Variants in PRDM2 observed in about 807,000 individuals in gnomAD.
PRDM2 encodes PR/SET domain 2.
A neutral mutation model predicts 130.0 loss-of-function variants in PRDM2; 30 were observed. The observed-to-expected ratio is 0.23, with a 90% CI of 0.17 to 0.31. The LOEUF (loss-of-function observed/expected upper bound fraction) is 0.31. PRDM2 is among the 10% of genes least tolerant of loss of function. The pLI is 1.00. For missense variants in PRDM2, 2,011 were observed against 2,108.4 expected (o/e 0.95, Z 0.90); for synonymous variants, 871 against 782.4 (o/e 1.11, Z -1.89).
rs938373055 is a variant in PRDM2, at chr1:13,823,046, A to G, written c.*24-113A>G. 17 of 1,034,138 alleles carry G rather than the reference A, an allele frequency of 1.6e-5. 1 individual carries two copies. The highest frequency in any genetic ancestry group is 2.1e-5 in the Non-Finnish European group (14 of 680,622). 64.1% of individuals were successfully genotyped at this position (1,034,138 alleles called of 1,614,324 possible). On this transcript the variant is annotated intron_variant, in intron 9 of 9. Coordinates refer to ENST00000311066, the MANE Select transcript of PRDM2 (RefSeq NM_001393986.1). ...CTGTGCTTTTTGCTCTATGTATGGT[A>G]TGTTTCAATAAACAGTTTAGTTACA...
At chr1:13,812,582 C>A (rs1412262366) in intron 8 of PRDM2, among the ~76,000 whole-genome samples, 1 of 152,212 alleles carries the variant, frequency 6.6e-6, no homozygotes, top group Admixed American at 6.5e-5. Context: ...GCATGTCCCA[C>A]TTTGCCGTGT....
Position 13,816,448 on chromosome 1 carries a change from C to T in PRDM2, c.5058C>T (p.Ser1686=). 1.2e-6 allele frequency: 2 copies of T among 1,614,176 alleles called. No homozygotes were observed. ...KDFSYSLRLA[S]RCSPPAAPYI... ...ACAGCTACAGCCTCCGCTTGGCGTC[C>T]CGATGCTCTCCACCAGCGGCCCCGT... Residue 1686 remains serine (S), a synonymous_variant, in exon 9 of 10, where the codon TCC becomes TCT. Transcript: ENST00000311066.
At chr1:13,703,392 G>A (rs149586009) in intron 1 of PRDM2, among the ~76,000 whole-genome samples, 1 of 152,322 alleles carries the variant, frequency 6.6e-6, no homozygotes, top group East Asian at 1.9e-4. Context: ...CTGCAGTGAA[G>A]GAAGGCTCAT....
intron 1 of PRDM2, among the ~76,000 whole-genome samples, chr1:13,715,300 C>T (rs1288273688): frequency 6.6e-6 from 1 of 152,206 alleles, no homozygotes; most frequent in Non-Finnish European, 1.5e-5. Flanking sequence ...TTGATGTCCT[C>T]CTAATGAGTC....
intron 5 of PRDM2, among the ~76,000 whole-genome samples, chr1:13,744,553 G>C (rs1643546667): frequency 6.6e-6 from 1 of 152,084 alleles, no homozygotes; most frequent in African/African-American, 2.4e-5. Context: ...CCACGCAAAG[G>C]ATCTCTCTGT....
intron 8 of PRDM2, chr1:13,786,580 C>G: frequency 6.2e-7 from 1 of 1,602,948 alleles, no homozygotes; most frequent in Non-Finnish European, 8.5e-7. Context: ...ATTGCATGCT[C>G]AACTTAGGAT....
chr1:13,768,695 A>T (rs909825577), intron 6 of PRDM2, among the ~76,000 whole-genome samples: 1 of 152,100 alleles, frequency 6.6e-6, no homozygotes, highest in Non-Finnish European at 1.5e-5. Context: ...TTGAGTTTTC[A>T]TTCTGGCTTT....
chr1:13,711,074 GGC>G (rs1282477736), intron 1 of PRDM2, among the ~76,000 whole-genome samples: 1 of 113,262 alleles, frequency 8.8e-6, no homozygotes, highest in Non-Finnish European at 1.8e-5. Flanking sequence ...GACAGAGTGA[GGC>G]TCTGTCTCAA....
intron 1 of PRDM2, among the ~76,000 whole-genome samples, chr1:13,712,366 GGAAAA>G (rs1557593168): frequency 6.6e-6 from 1 of 152,130 alleles, no homozygotes; most frequent in South Asian, 2.1e-4. Flanking sequence ...CAAAAGGTGA[GGAAAA>G]GAAAAGAAGT....
intron 8 of PRDM2, among the ~76,000 whole-genome samples, chr1:13,809,412 C>T (rs976968161): frequency 5.3e-5 from 8 of 152,080 alleles, no homozygotes; most frequent in Non-Finnish European, 1.2e-4. Context: ...TGGCAGGTGA[C>T]GTGTAGCAGG....
At chr1:13,744,161 C>T (rs1643534073) in intron 5 of PRDM2, among the ~76,000 whole-genome samples, 2 of 152,158 alleles carry the variant, frequency 1.3e-5, no homozygotes, top group South Asian at 4.1e-4. Flanking sequence ...ATGTGTTCAT[C>T]TCTGATGCAA....
At chr1:13,754,047 A>G (rs1295890591) in intron 6 of PRDM2, among the ~76,000 whole-genome samples, 1 of 152,080 alleles carries the variant, frequency 6.6e-6, no homozygotes, top group Non-Finnish European at 1.5e-5. Flanking sequence ...TGGAGGAGGT[A>G]TGGCCTGACT....
chr1:13,787,730 C>T (rs1258095661), intron 8 of PRDM2: 1 of 984,656 alleles, frequency 1.0e-6, no homozygotes, highest in Non-Finnish European at 1.2e-6. Flanking sequence ...GCGTTGTTAA[C>T]CCGGAGAGTG....
chr1:13,792,868 T>G (rs1235651923), intron 8 of PRDM2, among the ~76,000 whole-genome samples: 6 of 152,198 alleles, frequency 3.9e-5, no homozygotes, highest in African/African-American at 7.2e-5. Flanking sequence ...CATTTACAGA[T>G]AGATTAACCG....
chr1:13,780,641 C>T lies in PRDM2; in HGVS notation c.2846C>T (p.Pro949Leu), dbSNP rs765027053. 2.5e-6 allele frequency: 4 copies of T among 1,613,632 alleles called. No individual in the cohort carries two copies. The African/African-American group carries it at 4.0e-5, about 16-fold the overall frequency. Residue 949 changes from proline to leucine, a missense_variant, in exon 8 of 10, where the codon CCT becomes CTT. This residue lies in a region of PRDM2 where 1,288 missense variants were observed against 1,237.7 expected (regional missense o/e 1.04). Coordinates refer to ENST00000311066, the MANE Select transcript of PRDM2 (RefSeq NM_001393986.1). ...ACACCTGATGTTTGTCCTTCATCAC[C>T]TGCCCTGCAGACACCCTCCCTTTCA... Reference protein sequence around the residue: ...ESTPDVCPSSPALQTPSLSSG... With the variant: ...ESTPDVCPSSLALQTPSLSSG...
intron 4 of PRDM2, among the ~76,000 whole-genome samples, chr1:13,738,566 G>A (rs1310349512): frequency 6.6e-6 from 1 of 152,160 alleles, no homozygotes; most frequent in Non-Finnish European, 1.5e-5. Context: ...GGGCTCGAGA[G>A]GCCAAGCTAT....
chr1:13,761,428 A>T (rs932165305), intron 6 of PRDM2, among the ~76,000 whole-genome samples: 19 of 152,198 alleles, frequency 1.2e-4, no homozygotes, highest in Admixed American at 1.2e-3. Flanking sequence ...TAATTTGACG[A>T]TACCAGTTTT....
chr1:13,719,785 ATT>A lies in PRDM2; in HGVS notation c.9+4180_9+4181del, dbSNP rs35992629. Among the ~76,000 whole-genome samples, 11 of 151,120 alleles carry A rather than the reference ATT, an allele frequency of 7.3e-5. No homozygotes were observed. In the East Asian group the frequency reaches 9.7e-4, roughly 13 times the overall value. On this transcript the variant is annotated intron_variant, in intron 2 of 9. Coordinates refer to ENST00000311066, the MANE Select transcript of PRDM2 (RefSeq NM_001393986.1). ...ATTTCAGTAAACTGAAGCTTGTTTG[ATT>A]TTTTTTTTCCCATCGTTTGTTCCAG...
intron 4 of PRDM2, among the ~76,000 whole-genome samples, chr1:13,733,275 A>G (rs1262582108): frequency 2.0e-5 from 3 of 152,228 alleles, no homozygotes; most frequent in African/African-American, 7.2e-5. Context: ...TTTAGAAAGT[A>G]ATTTCTATGT....
Sources: gnomAD v4.1 joint callset for allele counts (sites outside exome capture counted in the v4.1 genomes callset) on GRCh38, gnomAD v4.1.1 for gene constraint, gnomAD v4.1.1 regional missense constraint, MANE v1.5 for transcripts, NCBI Gene and HGNC (gene_info 2026-07-23, HGNC 2026-07-21) for gene names.